Variants in LRRC4C observed in about 807,000 individuals in gnomAD.
LRRC4C encodes the protein leucine-rich repeat-containing protein 4C.
A neutral mutation model predicts 33.6 loss-of-function variants in LRRC4C; 5 were observed. That is an observed-to-expected ratio of 0.15 (90% CI 0.08 to 0.31). The LOEUF is 0.31. LRRC4C is among the 10% of genes least tolerant of loss of function. The pLI is 1.00. For missense variants in LRRC4C, 560 were observed against 796.7 expected (o/e 0.70, Z 3.58); for synonymous variants, 329 against 302.0 (o/e 1.09, Z -0.93).
intron 1 of LRRC4C, among the ~76,000 whole-genome samples, chr11:40,974,936 C>T (rs910779707): frequency 2.0e-5 from 3 of 152,138 alleles, no homozygotes; most frequent in African/African-American, 7.2e-5. Flanking sequence ...AAGCCTTTTC[C>T]CTCAGACTGA....
At chr11:40,372,368 T>A (rs1299962038) in intron 3 of LRRC4C, among the ~76,000 whole-genome samples, 1 of 152,146 alleles carries the variant, frequency 6.6e-6, no homozygotes, top group South Asian at 2.1e-4. Context: ...TGCCAGATAA[T>A]GGGCATGTAG....
At chr11:41,431,624 T>G (rs1350439549) in intron 1 of LRRC4C, among the ~76,000 whole-genome samples, 1 of 136,294 alleles carries the variant, frequency 7.3e-6, no homozygotes, top group Non-Finnish European at 1.7e-5. Context: ...AGAAGCAAGA[T>G]TTCTAAGAGT....
intron 3 of LRRC4C, among the ~76,000 whole-genome samples, chr11:40,492,785 TTCTG>T (rs1474473425): frequency 3.3e-5 from 5 of 152,240 alleles, no homozygotes; most frequent in African/African-American, 1.2e-4. Context: ...TGCAAGAGTA[TTCTG>T]TCTTTCTCTA....
At chr11:40,799,229 A>G (rs891955130) in intron 2 of LRRC4C, among the ~76,000 whole-genome samples, 3 of 152,052 alleles carry the variant, frequency 2.0e-5, no homozygotes, top group African/African-American at 7.2e-5. Flanking sequence ...TTTTCTCATC[A>G]CAAGCAATTC....
rs768928863 is a variant in LRRC4C, at chr11:40,850,455, C to T, written c.-407+83180G>A. Among the ~76,000 whole-genome samples the T allele has an allele frequency of 2.6e-5, 4 of 152,186 alleles. No homozygotes were observed. In the East Asian group the frequency reaches 7.7e-4, roughly 29 times the overall value. On this transcript the variant is annotated intron_variant, in intron 2 of 6. Transcript: ENST00000528697. ...CTCCAGATCCTGTTTACCTGGGTAT[C>T]ACCAGCAGAGGCTGCATAACAGCAA...
intron 1 of LRRC4C, among the ~76,000 whole-genome samples, chr11:41,145,650 C>A (rs966879021): frequency 1.3e-5 from 2 of 152,104 alleles, no homozygotes; most frequent in African/African-American, 4.8e-5. Flanking sequence ...AGTAATTATT[C>A]ATGTACATAA....
chr11:41,350,209 T>C (rs1763843999), intron 1 of LRRC4C, among the ~76,000 whole-genome samples: 2 of 152,162 alleles, frequency 1.3e-5, no homozygotes, highest in African/African-American at 4.8e-5. Flanking sequence ...ACCTATAAGA[T>C]CTTTTTGAAA....
intron 1 of LRRC4C, among the ~76,000 whole-genome samples, chr11:40,994,047 A>G (rs1307053491): frequency 1.6e-5 from 2 of 121,252 alleles, no homozygotes; most frequent in African/African-American, 5.5e-5. Flanking sequence ...GACCCATTGG[A>G]ATGTACTTTT....
intron 5 of LRRC4C, among the ~76,000 whole-genome samples, chr11:40,240,117 C>CTT (rs1239748657): frequency 6.6e-6 from 1 of 152,156 alleles, no homozygotes; most frequent in Non-Finnish European, 1.5e-5. Context: ...AGTCTCTTTG[C>CTT]TCTAAACCAT....
At chr11:40,799,678 C>G (rs1282364750) in intron 2 of LRRC4C, among the ~76,000 whole-genome samples, 1 of 152,112 alleles carries the variant, frequency 6.6e-6, no homozygotes, top group East Asian at 1.9e-4. Context: ...CCATGTTGGC[C>G]AGGCTGGTCT....
chr11:40,164,839 TG>T (rs2135383682), intron 5 of LRRC4C, among the ~76,000 whole-genome samples: 1 of 152,320 alleles, frequency 6.6e-6, no homozygotes, highest in African/African-American at 2.4e-5. Context: ...CATGTATGCA[TG>T]TATCAATATA....
At chr11:40,948,360 ATC>A (rs1453319378) in intron 1 of LRRC4C, among the ~76,000 whole-genome samples, 2 of 151,622 alleles carry the variant, frequency 1.3e-5, no homozygotes, top group African/African-American at 2.4e-5. Context: ...TTATTCATTC[ATC>A]TCTTTTTCTT....
At chr11:40,208,577 A>G (rs1310545070) in intron 5 of LRRC4C, among the ~76,000 whole-genome samples, 3 of 151,968 alleles carry the variant, frequency 2.0e-5, no homozygotes, top group Admixed American at 6.6e-5. Context: ...CAAGCAGGGG[A>G]AAAAAAAGCC....
chr11:40,572,578 C>T (rs1958025528), intron 3 of LRRC4C, among the ~76,000 whole-genome samples: 1 of 152,150 alleles, frequency 6.6e-6, no homozygotes, highest in Non-Finnish European at 1.5e-5. Flanking sequence ...AGTCATAATA[C>T]AGGAGCACAT....
intron 3 of LRRC4C, among the ~76,000 whole-genome samples, chr11:40,532,300 A>C (rs750741458): frequency 2.0e-5 from 3 of 151,904 alleles, no homozygotes; most frequent in Non-Finnish European, 4.4e-5. Context: ...AAAGTGAGTA[A>C]AATGGATCAC....
In LRRC4C at chr11:41,366,019, T is replaced by A. The variant is rs79990675; in HGVS notation, c.-496+93412A>T. 9.0e-3 allele frequency among the ~76,000 whole-genome samples: 1,365 copies of A among 152,326 alleles called. 31 individuals are homozygous for A. The highest frequency in any genetic ancestry group is 0.031 in the African/African-American group (1,304 of 41,580). ...ATATATGTATGTTAAATGTGTAGGATAATAATGGCTTGCATAAAATAAGCA... is the reference window on the plus strand; with the variant it reads ...ATATATGTATGTTAAATGTGTAGGAAAATAATGGCTTGCATAAAATAAGCA... On this transcript the variant is annotated intron_variant, in intron 1 of 6. Transcript: ENST00000528697.
chr11:40,682,225 G>T (rs1944724837), intron 2 of LRRC4C, among the ~76,000 whole-genome samples: 1 of 150,984 alleles, frequency 6.6e-6, no homozygotes, highest in Admixed American at 6.6e-5. Context: ...AGCCATGATT[G>T]CACCACTGCA....
At chr11:40,991,827 G>C (rs965724062) in intron 1 of LRRC4C, among the ~76,000 whole-genome samples, 3 of 152,144 alleles carry the variant, frequency 2.0e-5, no homozygotes, top group Non-Finnish European at 4.4e-5. Flanking sequence ...TGAGCGAGGG[G>C]AATTGGCTGT....
chr11:41,409,814 T>A (rs1212015902), intron 1 of LRRC4C, among the ~76,000 whole-genome samples: 2 of 152,206 alleles, frequency 1.3e-5, no homozygotes, highest in Non-Finnish European at 2.9e-5. Context: ...GACCCGTTTA[T>A]AATCCAAAAA....
Sources: gnomAD v4.1 joint callset for allele counts (sites outside exome capture counted in the v4.1 genomes callset) on GRCh38, gnomAD v4.1.1 for gene constraint, MANE v1.5 for transcripts, NCBI Gene and HGNC (gene_info 2026-07-23, HGNC 2026-07-21) for gene names.